Variants in ZC3HAV1L observed in about 807,000 individuals in gnomAD.
The protein encoded by ZC3HAV1L is zinc finger CCCH-type antiviral protein 1-like.
Under a neutral mutation model 28.2 loss-of-function variants are expected in ZC3HAV1L, and 23 were observed. The ratio of observed to expected loss-of-function variants is 0.82; its 90% CI spans 0.59 to 1.16. The LOEUF (loss-of-function observed/expected upper bound fraction) is 1.16. Ranked by LOEUF, ZC3HAV1L falls within the 50% of genes most tolerant of loss-of-function variation. ZC3HAV1L has a pLI of 0.00. For missense variants in ZC3HAV1L, 376 were observed against 387.7 expected (o/e 0.97, Z 0.25); for synonymous variants, 180 against 163.4 (o/e 1.10, Z -0.78).
At position 139,028,923 on chromosome 7, in the gene ZC3HAV1L, C is replaced by G; in HGVS notation, c.539G>C (p.Gly180Ala). 1 of 1,614,156 alleles carries G rather than the reference C, an allele frequency of 6.2e-7. No homozygotes were observed. Among genetic ancestry groups the G allele is most frequent in the Non-Finnish European group, 8.5e-7 (1 of 1,180,034 alleles). ...LLYNKGEALY[G>A]YCNLKDKCNK... The stretch of plus-strand genomic sequence containing the variant: ...GCATTTATCCTTGAGGTTGCAGTAG[C>G]CATACAGGGCTTCCCCTTTGTTGTA... The change falls in exon 3 of 5, where the codon GGC becomes GCC. Residue 180 changes from glycine (G) to alanine (A), a missense_variant. Gly to Ala is a moderately conservative substitution (Grantham distance 60). Transcript: ENST00000275766.
chr7:139,026,281 A>C lies in ZC3HAV1L; in HGVS notation c.*263T>G. 2.1e-6 allele frequency: 1 copy of C among 471,454 alleles called. No homozygotes were observed. The highest frequency in any genetic ancestry group is 3.7e-6 in the Non-Finnish European group (1 of 269,608). The allele number at this position is 471,454 out of a possible 1,614,324, so 29.2% of individuals were successfully genotyped here. A position where few individuals can be genotyped will look rare whatever the true frequency, so the allele number is the denominator to read the frequency against. ...TTAAGTGAAAAAAAAAAATGAGTGC[A>C]AAGTACTCTAGGATTGCCACAATAT... is the stretch of plus-strand genomic sequence containing the variant. On this transcript the variant is annotated 3_prime_UTR_variant, in exon 5 of 5. Transcript: ENST00000275766.
chr7:139,035,126 G>T, intron 1 of ZC3HAV1L: 1 of 985,446 alleles, frequency 1.0e-6, no homozygotes, highest in Non-Finnish European at 1.2e-6. Flanking sequence ...CCCAGCTCTG[G>T]CAGTCAGGAA....
At chr7:139,024,911 T>A (rs139810656), downstream of ZC3HAV1L, among the ~76,000 whole-genome samples, 1 of 152,324 alleles carries the variant, frequency 6.6e-6, no homozygotes, top group East Asian at 1.9e-4. Context: ...TAAAGCTGCT[T>A]CTTGTGGTAC....
chr7:139,024,782 GTC>G (rs567433201), downstream of ZC3HAV1L, among the ~76,000 whole-genome samples: 351 of 152,252 alleles, frequency 2.3e-3, 2 homozygotes, highest in African/African-American at 7.5e-3. Context: ...TTATTACATT[GTC>G]TCTGTTTCTC....
chr7:139,034,747 G>GAGC, intron 1 of ZC3HAV1L, 69 bp from the exon 2 acceptor site: 1 of 1,580,416 alleles, frequency 6.3e-7, no homozygotes, highest in Non-Finnish European at 8.6e-7. Flanking sequence ...TCCTTGCCTT[G>GAGC]AGCAGCTTTC....
intron 3 of ZC3HAV1L, among the ~76,000 whole-genome samples, chr7:139,027,140 C>T (rs200306401): frequency 6.6e-5 from 10 of 151,552 alleles, no homozygotes; most frequent in Non-Finnish European, 1.3e-4. Context: ...CTAAACAGCC[C>T]GACACTGGTA....
At chr7:139,035,107 GC>G in intron 1 of ZC3HAV1L, 1 of 985,454 alleles carries the variant, frequency 1.0e-6, no homozygotes, top group Non-Finnish European at 1.2e-6. Context: ...TCAGGAGGCA[GC>G]CCCGAACCCC....
At chr7:139,026,867 T>C in intron 3 of ZC3HAV1L, 34 bp from the exon 4 acceptor site, 3 of 1,585,772 alleles carry the variant, frequency 1.9e-6, no homozygotes, top group South Asian at 2.3e-5. Context: ...TTTCCTACGA[T>C]ACCCCAAGTT....
downstream of ZC3HAV1L, among the ~76,000 whole-genome samples, chr7:139,025,473 G>A (rs1264270824): frequency 6.7e-6 from 1 of 149,398 alleles, no homozygotes; most frequent in East Asian, 2.0e-4. Context: ...AGAGTAGACA[G>A]AGTGAGGTAG....
At position 139,026,392 on chromosome 7, in the gene ZC3HAV1L, T is replaced by C. The variant is rs1563113218; in HGVS notation, c.*152A>G. Reference sequence around the variant, plus strand: ...GAGGAAAGCACCTAGGAGCTGCAGATAGCAGCTGCCATCTTCAGCACTTGC... The same window carrying C: ...GAGGAAAGCACCTAGGAGCTGCAGACAGCAGCTGCCATCTTCAGCACTTGC... On this transcript the variant is annotated 3_prime_UTR_variant, in exon 5 of 5. Coordinates refer to ENST00000275766, the MANE Select transcript of ZC3HAV1L (RefSeq NM_080660.4). The C allele has an allele frequency of 2.4e-6, 3 of 1,230,998 alleles. No individual in the cohort carries two copies. The highest frequency in any genetic ancestry group is 5.1e-5 in the East Asian group (2 of 38,972). 76.3% of individuals were successfully genotyped at this position (1,230,998 alleles called of 1,614,324 possible).
At chr7:139,022,582 C>T (rs537553913), downstream of ZC3HAV1L, 2 of 202,204 alleles carry the variant, frequency 9.9e-6, no homozygotes, top group African/African-American at 4.7e-5. Context: ...CAATGAAGAC[C>T]AATATGCTAC....
At chr7:139,028,323 C>T (rs910048278) in intron 3 of ZC3HAV1L, among the ~76,000 whole-genome samples, 4 of 147,266 alleles carry the variant, frequency 2.7e-5, no homozygotes, top group Admixed American at 6.8e-5. Context: ...CAGTGAGCCC[C>T]GATCGCGCCA....
rs773804157 is a variant in ZC3HAV1L, at chr7:139,028,811, T to C, written c.651A>G (p.Ala217=). 1 of 1,614,206 alleles carries C rather than the reference T, an allele frequency of 6.2e-7. No individual in the cohort carries two copies. The highest frequency in any genetic ancestry group is 1.1e-5 in the South Asian group (1 of 91,088). Residue 217 remains alanine, a synonymous_variant, in exon 3 of 5, where the codon GCA becomes GCG. Coordinates refer to ENST00000275766, the MANE Select transcript of ZC3HAV1L (RefSeq NM_080660.4). ...CTTGGTCCTGTAGCAGCTTCAAAGATGCAGCATGGATAAGCTGATGGGACC... is the reference window on the plus strand; with the variant it reads ...CTTGGTCCTGTAGCAGCTTCAAAGACGCAGCATGGATAAGCTGATGGGACC... The part of the protein sequence containing the change: ...CKRSHQLIHA[A]SLKLLQDQGL...
rs1417536550 is a variant in ZC3HAV1L, at chr7:139,026,116, C to T, written c.*428G>A. The T allele has an allele frequency of 6.1e-6, 1 of 163,298 alleles. No individual in the cohort carries two copies. The highest frequency in any genetic ancestry group is 1.3e-5 in the Non-Finnish European group (1 of 76,340). 10.1% of individuals were successfully genotyped at this position (163,298 alleles called of 1,614,324 possible). On this transcript the variant is annotated 3_prime_UTR_variant, in exon 5 of 5. Coordinates refer to ENST00000275766, the MANE Select transcript of ZC3HAV1L (RefSeq NM_080660.4). ...CGTCACTGCACTCCAGCCTGGGCAA[C>T]AGAGCAAGACCATCTCAAAAAAAAA...
intron 2 of ZC3HAV1L, among the ~76,000 whole-genome samples, chr7:139,033,247 T>C (rs1163310417): frequency 6.6e-6 from 1 of 152,192 alleles, no homozygotes; most frequent in Non-Finnish European, 1.5e-5. Context: ...GCAAGCCTTC[T>C]AACTAATGCT....
intron 2 of ZC3HAV1L, among the ~76,000 whole-genome samples, 158 bp downstream of exon 2, chr7:139,034,385 C>T (rs1053115078): frequency 5.3e-5 from 8 of 152,124 alleles, no homozygotes; most frequent in East Asian, 1.9e-4. Context: ...CGTACTATTT[C>T]GCCATGATAG....
chr7:139,035,477 A>G lies in ZC3HAV1L; in HGVS notation c.365+176T>C. 4 of 985,356 alleles carry G rather than the reference A, an allele frequency of 4.1e-6. No homozygotes were observed. The South Asian group carries it at 1.9e-4, about 46-fold the overall frequency. 61.0% of individuals were successfully genotyped at this position (985,356 alleles called of 1,614,324 possible). A position where few individuals can be genotyped will look rare whatever the true frequency, so the allele number is the denominator to read the frequency against. ...AGAGGACCTTCGCGCCTTTCCGCCC[A>G]GCTGCTGGAAGCGCGGGGGAGGACG... On this transcript the variant is annotated intron_variant, in intron 1 of 4. Coordinates refer to ENST00000275766, the MANE Select transcript of ZC3HAV1L (RefSeq NM_080660.4).
intron 2 of ZC3HAV1L, among the ~76,000 whole-genome samples, chr7:139,029,655 T>C (rs79032260): frequency 0.025 from 3,848 of 152,298 alleles, 180 homozygotes; most frequent in African/African-American, 0.088. Context: ...CCAGACCTTA[T>C]GTGCTTGTAG....
intron 2 of ZC3HAV1L, among the ~76,000 whole-genome samples, chr7:139,030,141 A>G (rs1815481030): frequency 6.6e-6 from 1 of 152,136 alleles, no homozygotes; most frequent in African/African-American, 2.4e-5. Flanking sequence ...ACGTAAAAAA[A>G]CTCTTGCTAT....
Sources: allele counts gnomAD v4.1 joint callset (sites outside exome capture counted in the v4.1 genomes callset), GRCh38; gene constraint gnomAD v4.1.1; transcripts MANE v1.5; gene names NCBI Gene and HGNC (gene_info 2026-07-23, HGNC 2026-07-21).